GALNT13: variants seen among roughly 807,000 people sequenced by gnomAD.
The protein encoded by GALNT13 is UDP-GalNAc:polypeptide N-acetylgalactosaminyltransferase 13.
Under a neutral mutation model 64.2 loss-of-function variants are expected in GALNT13, and 28 were observed. That is an observed-to-expected ratio of 0.44 (90% CI 0.32 to 0.60). The LOEUF (loss-of-function observed/expected upper bound fraction) is 0.60, where lower values mean the gene tolerates loss of function less well. Ranked by LOEUF, GALNT13 falls within the 20% of genes least tolerant of loss-of-function variation. GALNT13 has a pLI of 0.05. For missense variants in GALNT13, 577 were observed against 669.8 expected (o/e 0.86, Z 1.53); for synonymous variants, 214 against 224.6 (o/e 0.95, Z 0.42).
the GALNT13 span, among the ~76,000 whole-genome samples, chr2:153,599,186 G>A: frequency 6.6e-6 from 1 of 151,858 alleles, no homozygotes; most frequent in Non-Finnish European, 1.5e-5. Context: ...TTTTTTCCAG[G>A]CTAATTGGGA....
the GALNT13 span, among the ~76,000 whole-genome samples, chr2:153,627,714 G>A: frequency 2.0e-5 from 3 of 152,118 alleles, no homozygotes; most frequent in African/African-American, 7.2e-5. Context: ...GACAGAAGGA[G>A]ACTCTTCTCA....
At chr2:153,197,520 A>G in the GALNT13 span, among the ~76,000 whole-genome samples, 5 of 152,174 alleles carry the variant, frequency 3.3e-5, no homozygotes, top group Admixed American at 6.5e-5. Context: ...ATTCCTGAAT[A>G]TGTTTGTGCA....
intron 3 of GALNT13, among the ~76,000 whole-genome samples, chr2:154,062,720 A>G (rs1393709164): frequency 2.6e-5 from 4 of 152,194 alleles, no homozygotes; most frequent in African/African-American, 9.6e-5. Context: ...GCGGAATTAC[A>G]ATTCGACATG....
intron 9 of GALNT13, among the ~76,000 whole-genome samples, chr2:154,384,877 G>A (rs970615650): frequency 3.3e-5 from 5 of 151,842 alleles, no homozygotes; most frequent in Non-Finnish European, 7.4e-5. Flanking sequence ...TACCAGAAGG[G>A]ATCAAAGGAA....
the GALNT13 span, among the ~76,000 whole-genome samples, chr2:153,699,931 A>G: frequency 6.6e-6 from 1 of 152,186 alleles, no homozygotes; most frequent in Non-Finnish European, 1.5e-5. Context: ...AGCCAGTACC[A>G]TTTCTTCTGA....
At chr2:154,264,977 A>AT (rs879412400) in intron 8 of GALNT13, among the ~76,000 whole-genome samples, 4,852 of 149,648 alleles carry the variant, frequency 0.032, 207 homozygotes, top group African/African-American at 0.1. Flanking sequence ...TGATAAAAAA[A>AT]AATATATATA....
the GALNT13 span, among the ~76,000 whole-genome samples, chr2:153,501,622 G>C: frequency 6.6e-6 from 1 of 152,080 alleles, no homozygotes; most frequent in Non-Finnish European, 1.5e-5. Context: ...ATGAGCCTCC[G>C]CACCCGGCCA....
At chr2:153,797,252 T>A in the GALNT13 span, among the ~76,000 whole-genome samples, 1 of 152,192 alleles carries the variant, frequency 6.6e-6, no homozygotes, top group Non-Finnish European at 1.5e-5. Flanking sequence ...AGTTTCAATC[T>A]GAAAGAACGA....
At chr2:154,331,274 C>T (rs1211265574) in intron 9 of GALNT13, among the ~76,000 whole-genome samples, 1 of 151,982 alleles carries the variant, frequency 6.6e-6, no homozygotes, top group Non-Finnish European at 1.5e-5. Flanking sequence ...AAAATCTATT[C>T]AGTAACTACA....
chr2:154,216,003 T>C (rs1008132745), intron 4 of GALNT13, among the ~76,000 whole-genome samples: 1 of 151,842 alleles, frequency 6.6e-6, no homozygotes, highest in African/African-American at 2.4e-5. Context: ...ATTTTAGAAA[T>C]ATAAAACAAA....
At chr2:153,376,256 A>C in the GALNT13 span, among the ~76,000 whole-genome samples, 3 of 152,282 alleles carry the variant, frequency 2.0e-5, no homozygotes, top group East Asian at 5.8e-4. Flanking sequence ...AAGATATGAT[A>C]ATGGTTAGAA....
At chr2:153,193,213 T>C in the GALNT13 span, among the ~76,000 whole-genome samples, 25,524 of 151,020 alleles carry the variant, frequency 0.17, 2,301 homozygotes, top group African/African-American at 0.2. Context: ...TGTCCAACAA[T>C]GATAGACTGG....
rs965413307 is a variant in GALNT13, at chr2:154,292,582, A to G, written c.976-8827A>G. Among the ~76,000 whole-genome samples, 16 of 152,234 alleles carry G rather than the reference A, an allele frequency of 1.1e-4. 1 individual carries two copies. The highest frequency in any genetic ancestry group is 1.0e-3 in the Admixed American group (16 of 15,288). The stretch of plus-strand genomic sequence containing the variant: ...GAGACCCAAATCACAGAAAAATGAC[A>G]TAACTGAGGTCACCCAGCTAGTAAG... On this transcript the variant is annotated intron_variant, in intron 8 of 12. Transcript: ENST00000392825.
At chr2:154,334,082 T>TC (rs1553516460) in intron 9 of GALNT13, among the ~76,000 whole-genome samples, 6 of 151,370 alleles carry the variant, frequency 4.0e-5, no homozygotes, top group Non-Finnish European at 8.9e-5. Flanking sequence ...TGACTTTTTT[T>TC]CTCTTCTCTT....
intron 1 of GALNT13, among the ~76,000 whole-genome samples, chr2:153,893,996 G>A (rs1687730558): frequency 6.6e-6 from 1 of 152,058 alleles, no homozygotes; most frequent in Non-Finnish European, 1.5e-5. Context: ...TACTGGGAAT[G>A]GAGTGCAGTG....
At chr2:153,163,790 CG>C in the GALNT13 span, among the ~76,000 whole-genome samples, 1 of 152,102 alleles carries the variant, frequency 6.6e-6, no homozygotes, top group African/African-American at 2.4e-5. Flanking sequence ...GAGGCCAAGG[CG>C]GGCGGATCAC....
At chr2:154,376,736 C>T (rs957472876) in intron 9 of GALNT13, among the ~76,000 whole-genome samples, 3 of 151,984 alleles carry the variant, frequency 2.0e-5, no homozygotes, top group Non-Finnish European at 4.4e-5. Flanking sequence ...TTTTTTAATT[C>T]AAACTCATTA....
chr2:154,308,959 C>A (rs1449771557), intron 9 of GALNT13, among the ~76,000 whole-genome samples: 1 of 152,024 alleles, frequency 6.6e-6, no homozygotes, highest in Non-Finnish European at 1.5e-5. Context: ...TATTGGTATT[C>A]TATGGGTTTT....
rs141251196 is a variant in GALNT13, at chr2:153,918,687, A to C, written c.-105+17680A>C. 4.1e-3 allele frequency among the ~76,000 whole-genome samples: 618 copies of C among 152,250 alleles called. 3 individuals carry two copies. The highest frequency in any genetic ancestry group is 0.014 in the African/African-American group (591 of 41,560). ...GCTATCTGTGCATGTTCTAAGGGTG[A>C]TAGTTCAAATGAATATTTTCATTTT... On this transcript the variant is annotated intron_variant, in intron 2 of 12. Transcript: ENST00000392825.
Sources: gnomAD v4.1 joint callset for allele counts (sites outside exome capture counted in the v4.1 genomes callset) on GRCh38, gnomAD v4.1.1 for gene constraint, MANE v1.5 for transcripts, NCBI Gene and HGNC (gene_info 2026-07-23, HGNC 2026-07-21) for gene names.